Variants in ASTN1 observed in about 807,000 individuals in gnomAD.
The protein encoded by ASTN1 is astrotactin 1.
In ASTN1, 41 loss-of-function variants were observed where a neutral mutation model predicts 140.7. The observed-to-expected ratio is 0.29, with a 90% CI of 0.23 to 0.38. ASTN1 has a LOEUF of 0.38. Among genes scored for constraint, ASTN1 ranks in the 10% least tolerant of loss-of-function variants. The probability of loss-of-function intolerance (pLI) is 1.00; values close to 1 mark genes in which losing one functional copy is unlikely to be tolerated. For synonymous variants in ASTN1, 640 were observed against 652.2 expected (o/e 0.98, Z 0.29); for missense variants, 1,479 against 1,678.8 (o/e 0.88, Z 2.08).
At chr1:176,874,817 A>G (rs7532213) in intron 21 of ASTN1, among the ~76,000 whole-genome samples, 6,638 of 152,102 alleles carry the variant, frequency 0.044, 437 homozygotes, top group African/African-American at 0.15. Flanking sequence ...CCAGTTTACC[A>G]ATAAGTAAAC....
At chr1:176,960,047 A>T (rs748306588) in intron 9 of ASTN1, among the ~76,000 whole-genome samples, 13 of 152,052 alleles carry the variant, frequency 8.5e-5, no homozygotes, top group Non-Finnish European at 1.6e-4. Context: ...ACACACACAC[A>T]CTCACAAACA....
chr1:176,880,815 CTG>C (rs746520927), intron 20 of ASTN1, among the ~76,000 whole-genome samples: 3 of 152,178 alleles, frequency 2.0e-5, no homozygotes, highest in Non-Finnish European at 4.4e-5. Context: ...AAGCAACTAG[CTG>C]TGTGATTCTG....
chr1:177,028,220 A>G (rs1676226956), intron 5 of ASTN1, among the ~76,000 whole-genome samples: 1 of 152,212 alleles, frequency 6.6e-6, no homozygotes, highest in Admixed American at 6.5e-5. Flanking sequence ...ACAAGACTTT[A>G]TTAAAGCAGG....
chr1:176,906,437 G>A (rs1670002780), intron 16 of ASTN1, among the ~76,000 whole-genome samples: 1 of 152,180 alleles, frequency 6.6e-6, no homozygotes, highest in African/African-American at 2.4e-5. Context: ...TGATAAATAA[G>A]AAATAATGCT....
intron 20 of ASTN1, among the ~76,000 whole-genome samples, chr1:176,879,172 C>CTGT (rs1668686644): frequency 2.0e-5 from 3 of 152,214 alleles, no homozygotes; most frequent in Non-Finnish European, 4.4e-5. Context: ...CCTCTTCCTA[C>CTGT]AGGGCCTGCA....
At position 177,088,737 on chromosome 1, in the gene ASTN1, G is replaced by A. The variant is rs545964091; in HGVS notation, c.284-27472C>T. Among the ~76,000 whole-genome samples the A allele has an allele frequency of 2.2e-4, 34 of 152,152 alleles. No homozygotes were observed. In the South Asian group the frequency reaches 3.7e-3, roughly 17 times the overall value. On this transcript the variant is annotated intron_variant, in intron 1 of 22. Transcript: ENST00000361833. ...ATTTCTGCCCCTCTGCCTTCCAGTC[G>A]TACTCCCAGAATAAACTAATATTCA... is the stretch of plus-strand genomic sequence containing the variant.
intron 1 of ASTN1, among the ~76,000 whole-genome samples, chr1:177,099,851 A>T (rs963985415): frequency 2.0e-5 from 3 of 152,250 alleles, no homozygotes; most frequent in African/African-American, 7.2e-5. Context: ...TTTCTAAGCT[A>T]TGGAGAAAAA....
At chr1:176,948,487 C>A (rs1040256063) in intron 12 of ASTN1, among the ~76,000 whole-genome samples, 2 of 152,308 alleles carry the variant, frequency 1.3e-5, no homozygotes, top group South Asian at 4.1e-4. Flanking sequence ...GGGCCTGAAT[C>A]CAGTCGTAAT....
intron 8 of ASTN1, among the ~76,000 whole-genome samples, chr1:176,998,684 T>C (rs1674574650): frequency 6.6e-6 from 1 of 152,198 alleles, no homozygotes; most frequent in Non-Finnish European, 1.5e-5. Context: ...CACAGTGAGC[T>C]CAGCTGTCTG....
intron 2 of ASTN1, among the ~76,000 whole-genome samples, chr1:177,057,242 C>T (rs977954174): frequency 3.3e-5 from 5 of 152,016 alleles, no homozygotes; most frequent in Non-Finnish European, 7.4e-5. Context: ...TTTAAATTGC[C>T]GAGCTCCCAG....
intron 1 of ASTN1, among the ~76,000 whole-genome samples, chr1:177,143,875 G>A (rs1446240660): frequency 1.3e-5 from 2 of 151,910 alleles, no homozygotes; most frequent in Non-Finnish European, 2.9e-5. Flanking sequence ...ACTACAATTG[G>A]CAAAATGACA....
At chr1:176,915,352 G>T (rs1670435547) in intron 16 of ASTN1, among the ~76,000 whole-genome samples, 1 of 152,172 alleles carries the variant, frequency 6.6e-6, no homozygotes, top group Non-Finnish European at 1.5e-5. Context: ...TAAGTCATCT[G>T]TTTGATGATC....
At chr1:177,113,285 C>T (rs1204279031) in intron 1 of ASTN1, among the ~76,000 whole-genome samples, 2 of 152,142 alleles carry the variant, frequency 1.3e-5, no homozygotes, top group Non-Finnish European at 2.9e-5. Context: ...GGAAAGAGCC[C>T]ACTGTCCCCC....
chr1:176,934,413 G>A, intron 15 of ASTN1, 73 bp from the exon 16 acceptor site: 2 of 1,431,520 alleles, frequency 1.4e-6, no homozygotes, highest in Non-Finnish European at 1.9e-6. Flanking sequence ...AGGCAATTCA[G>A]TCCCAAACAT....
chr1:177,092,304 A>G (rs2102106387), intron 1 of ASTN1, among the ~76,000 whole-genome samples: 1 of 152,270 alleles, frequency 6.6e-6, no homozygotes, highest in Admixed American at 6.5e-5. Context: ...TATCTTCCTT[A>G]GAGAAATGTC....
Position 176,888,962 on chromosome 1 carries a change from T to C in ASTN1, c.2941-758A>G, listed in dbSNP as rs553655402. Among the ~76,000 whole-genome samples, 6 of 152,320 alleles carry C rather than the reference T, an allele frequency of 3.9e-5. No individual in the cohort carries two copies. In the South Asian group the frequency reaches 1.2e-3, roughly 32 times the overall value. ...TAATAATATGTGCCAAATGAAATAA[T>C]GTATGCATAGTACCTGGAACACATT... On this transcript the variant is annotated intron_variant, in intron 17 of 22. Coordinates refer to ENST00000361833, the MANE Select transcript of ASTN1 (RefSeq NM_004319.3).
At chr1:176,952,493 G>GA (rs900744406) in intron 11 of ASTN1, among the ~76,000 whole-genome samples, 41 of 146,064 alleles carry the variant, frequency 2.8e-4, no homozygotes, top group Middle Eastern at 7.0e-3. Flanking sequence ...AAGATTTCCA[G>GA]AAAAAAAAAA....
chr1:176,947,704 C>A lies in ASTN1; in HGVS notation c.2054+1481G>T, dbSNP rs986180379. ...GGAAGAATTCTGAAGCTGGCTGGTT[C>A]CCTCTCAGTCCACCTTGAACATCTG... On this transcript the variant is annotated intron_variant, in intron 12 of 22. Transcript: ENST00000361833. Among the ~76,000 whole-genome samples the A allele has an allele frequency of 2.6e-5, 4 of 152,140 alleles. No homozygotes were observed. The East Asian group carries it at 7.7e-4, about 29-fold the overall frequency.
At position 176,861,644 on chromosome 1, in the gene ASTN1, T is replaced by A; in HGVS notation, c.*2640A>T. 1.0e-6 allele frequency: 1 copy of A among 985,398 alleles called. No homozygotes were observed. The highest frequency in any genetic ancestry group is 1.2e-6 in the Non-Finnish European group (1 of 829,954). The allele number at this position is 985,398 out of a possible 1,614,324, so 61.0% of individuals were successfully genotyped here. A position where few individuals can be genotyped will look rare whatever the true frequency, so the allele number is the denominator to read the frequency against. Reference sequence around the variant, plus strand: ...TCAGCCTTTTTAACTTGAATGTAAGTAGGAGCCAGTCATAGGAGTTGTGTG... The same window carrying A: ...TCAGCCTTTTTAACTTGAATGTAAGAAGGAGCCAGTCATAGGAGTTGTGTG... On this transcript the variant is annotated 3_prime_UTR_variant, in exon 23 of 23. Coordinates refer to ENST00000361833, the MANE Select transcript of ASTN1 (RefSeq NM_004319.3).
Sources: allele counts gnomAD v4.1 joint callset (sites outside exome capture counted in the v4.1 genomes callset), GRCh38; gene constraint gnomAD v4.1.1; transcripts MANE v1.5; gene names NCBI Gene and HGNC (gene_info 2026-07-23, HGNC 2026-07-21).